Variants in FER observed in about 807,000 individuals in gnomAD.
The protein encoded by FER is tyrosine-protein kinase Fer.
A neutral mutation model predicts 111.0 loss-of-function variants in FER; 63 were observed. The ratio of observed to expected loss-of-function variants is 0.57; its 90% CI spans 0.46 to 0.70. The LOEUF is 0.70. Ranked by LOEUF, FER falls within the 30% of genes least tolerant of loss-of-function variation. The pLI is 0.00. For missense variants in FER, 914 were observed against 954.0 expected (o/e 0.96, Z 0.55); for synonymous variants, 327 against 313.9 (o/e 1.04, Z -0.44).
At chr5:109,103,284 C>T (rs544012511) in intron 17 of FER, among the ~76,000 whole-genome samples, 1 of 152,232 alleles carries the variant, frequency 6.6e-6, no homozygotes, top group African/African-American at 2.4e-5. Flanking sequence ...ATCCTGTTCA[C>T]TGACGGGAGG....
intron 16 of FER, among the ~76,000 whole-genome samples, chr5:109,060,409 G>C (rs966614870): frequency 1.3e-5 from 2 of 152,094 alleles, no homozygotes; most frequent in Non-Finnish European, 2.9e-5. Flanking sequence ...TAACCTCTCT[G>C]TGCCTTAGTT....
chr5:109,059,268 C>T (rs1774064279), intron 16 of FER, among the ~76,000 whole-genome samples: 1 of 151,754 alleles, frequency 6.6e-6, no homozygotes, highest in African/African-American at 2.4e-5. Flanking sequence ...TTATGAAAAG[C>T]ACTGGAGAAA....
At chr5:109,142,217 G>T (rs1753600862) in intron 17 of FER, among the ~76,000 whole-genome samples, 1 of 152,182 alleles carries the variant, frequency 6.6e-6, no homozygotes, top group Non-Finnish European at 1.5e-5. Context: ...AGTTTTCTGA[G>T]AATTGCTTTT....
At chr5:108,912,009 C>T (rs540448766) in intron 10 of FER, among the ~76,000 whole-genome samples, 18 of 152,182 alleles carry the variant, frequency 1.2e-4, no homozygotes, top group African/African-American at 4.1e-4. Context: ...ATAATTGTTA[C>T]AGGATCTGAT....
At chr5:108,856,631 A>G (rs772348905) in intron 5 of FER, among the ~76,000 whole-genome samples, 2 of 152,206 alleles carry the variant, frequency 1.3e-5, no homozygotes, top group Non-Finnish European at 1.5e-5. Flanking sequence ...GGAAGAGACT[A>G]TAACTGTGCA....
chr5:109,124,027 C>G (rs1751351925), intron 17 of FER, among the ~76,000 whole-genome samples: 1 of 151,932 alleles, frequency 6.6e-6, no homozygotes. Context: ...GAGTTTGAGT[C>G]TAACCTGAGC....
Position 108,916,755 on chromosome 5 carries a change from C to T in FER, c.1236+18907C>T, listed in dbSNP as rs73781498. On this transcript the variant is annotated intron_variant, in intron 10 of 19. Coordinates refer to ENST00000281092, the MANE Select transcript of FER (RefSeq NM_005246.4). ...AATTGCCAGAAAACTCTATCATGTT[C>T]GCTCATGGGTTGGATGGCATAAGAT... 1.8e-3 allele frequency among the ~76,000 whole-genome samples: 279 copies of T among 152,172 alleles called. 2 individuals carry two copies. Among genetic ancestry groups the T allele is most frequent in the African/African-American group, 6.4e-3 (268 of 41,556 alleles).
chr5:108,858,053 G>A (rs1763168633), intron 5 of FER, among the ~76,000 whole-genome samples: 1 of 152,132 alleles, frequency 6.6e-6, no homozygotes, highest in Non-Finnish European at 1.5e-5. Flanking sequence ...TCTAGGTCCT[G>A]TTAATTGACA....
intron 13 of FER, among the ~76,000 whole-genome samples, chr5:108,977,782 C>T (rs909764471): frequency 1.3e-5 from 2 of 152,150 alleles, no homozygotes; most frequent in African/African-American, 4.8e-5. Flanking sequence ...TTCCTTGCTG[C>T]GGCTATCTCA....
intron 3 of FER, among the ~76,000 whole-genome samples, chr5:108,799,356 ATCT>A (rs1209967440): frequency 2.0e-5 from 3 of 152,210 alleles, no homozygotes; most frequent in Non-Finnish European, 4.4e-5. Flanking sequence ...AAAAAAATTA[ATCT>A]TCTTTCACTT....
At chr5:108,954,604 A>G in intron 11 of FER, 125 bp from the exon 12 acceptor site, 1 of 703,630 alleles carries the variant, frequency 1.4e-6, no homozygotes, top group East Asian at 2.8e-5. Context: ...TTTATTGTAT[A>G]ACTTTTAATT....
chr5:108,867,600 C>T (rs1764196371), intron 5 of FER, among the ~76,000 whole-genome samples, 167 bp from the exon 6 acceptor site: 1 of 152,052 alleles, frequency 6.6e-6, no homozygotes, highest in Non-Finnish European at 1.5e-5. Flanking sequence ...GCAAATCTAA[C>T]AGTACCTTGC....
At chr5:108,925,895 C>T (rs1753672146) in intron 10 of FER, among the ~76,000 whole-genome samples, 1 of 151,900 alleles carries the variant, frequency 6.6e-6, no homozygotes, top group African/African-American at 2.4e-5. Context: ...ATCATCTTCT[C>T]CAAATTATCA....
At chr5:108,916,860 T>G (rs916093068) in intron 10 of FER, among the ~76,000 whole-genome samples, 1 of 152,148 alleles carries the variant, frequency 6.6e-6, no homozygotes, top group Non-Finnish European at 1.5e-5. Flanking sequence ...ATATAGACTT[T>G]TTGGATAACT....
rs182547914 is a variant in FER, at chr5:108,855,080, C to T, written c.482-12687C>T. 2.5e-3 allele frequency among the ~76,000 whole-genome samples: 382 copies of T among 150,008 alleles called. 1 individual carries two copies. Among genetic ancestry groups the T allele is most frequent in the Middle Eastern group, 0.014 (4 of 282 alleles). On this transcript the variant is annotated intron_variant, in intron 5 of 19. Transcript: ENST00000281092. ...ACTGGAAGAATGGCATTATTATTAA[C>T]TGAAATGGGAAAAATGTGGGAAGAC... is the stretch of plus-strand genomic sequence containing the variant.
intron 12 of FER, among the ~76,000 whole-genome samples, chr5:108,957,111 G>A (rs1366066822): frequency 6.6e-6 from 1 of 151,558 alleles, no homozygotes; most frequent in Non-Finnish European, 1.5e-5. Flanking sequence ...TTGTTCTGTG[G>A]TTTAGGAAAT....
intron 8 of FER, among the ~76,000 whole-genome samples, chr5:108,879,700 A>AT (rs1561553004): frequency 0.02 from 2,369 of 118,572 alleles, 50 homozygotes; most frequent in African/African-American, 0.031. Context: ...GATTAAAAAA[A>AT]AATATATATA....
chr5:109,078,511 G>C (rs933992635), intron 16 of FER, among the ~76,000 whole-genome samples: 1 of 152,092 alleles, frequency 6.6e-6, no homozygotes, highest in Non-Finnish European at 1.5e-5. Context: ...TGAGCCAGCT[G>C]TACTAATGTT....
chr5:109,006,884 A>T (rs1173667556), intron 13 of FER, among the ~76,000 whole-genome samples: 1 of 152,176 alleles, frequency 6.6e-6, no homozygotes, highest in Non-Finnish European at 1.5e-5. Flanking sequence ...AAAGCAATAT[A>T]TTGATACTAA....
Sources: allele counts gnomAD v4.1 joint callset (sites outside exome capture counted in the v4.1 genomes callset), GRCh38; gene constraint gnomAD v4.1.1; transcripts MANE v1.5; gene names NCBI Gene and HGNC (gene_info 2026-07-23, HGNC 2026-07-21).